The following STK3 variants were observed in gnomAD, a reference collection of about 807,000 sequenced individuals.
STK3 encodes serine/threonine-protein kinase 3.
STK3 carries 41 observed loss-of-function variants against 58.0 expected under a neutral mutation model. The ratio of observed to expected loss-of-function variants is 0.71; its 90% CI spans 0.55 to 0.92. The LOEUF is 0.92. STK3 is among the 40% of genes least tolerant of loss of function. STK3 has a pLI of 0.00. For synonymous variants in STK3, 170 were observed against 191.0 expected (o/e 0.89, Z 0.91); for missense variants, 479 against 602.7 (o/e 0.79, Z 2.15).
intron 1 of STK3, among the ~76,000 whole-genome samples, chr8:98,923,854 T>TGTGTGTGTGTGC (rs1491486943): frequency 2.9e-4 from 33 of 113,620 alleles, no homozygotes; most frequent in Admixed American, 7.9e-4. Context: ...TGTGTGTGTG[T>TGTGTGTGTGTGC]GCGCGCGCGC....
At chr8:98,699,864 C>A in intron 6 of STK3, among the ~76,000 whole-genome samples, 1 of 152,164 alleles carries the variant, frequency 6.6e-6, no homozygotes, top group Non-Finnish European at 1.5e-5. Flanking sequence ...TCTCCAGCTG[C>A]GTGCTGGGAG....
chr8:98,925,423 TGGA>T (rs1839751305), intron 1 of STK3, among the ~76,000 whole-genome samples: 1 of 152,230 alleles, frequency 6.6e-6, no homozygotes, highest in Non-Finnish European at 1.5e-5. Flanking sequence ...CCCAAGATCA[TGGA>T]GCAGATTGGC....
chr8:98,369,889 G>C (rs1359665225), downstream of STK3, among the ~76,000 whole-genome samples: 1 of 152,086 alleles, frequency 6.6e-6, no homozygotes, highest in Non-Finnish European at 1.5e-5. Flanking sequence ...AATGTGGCTT[G>C]GGCTTTCATG....
chr8:98,837,404 A>G (rs1319666111), intron 3 of STK3, among the ~76,000 whole-genome samples: 1 of 151,718 alleles, frequency 6.6e-6, no homozygotes, highest in Non-Finnish European at 1.5e-5. Context: ...AATGGCTTTC[A>G]TTTTATAAAA....
At chr8:98,906,796 C>G (rs1171703056) in intron 1 of STK3, among the ~76,000 whole-genome samples, 1 of 151,518 alleles carries the variant, frequency 6.6e-6, no homozygotes, top group Admixed American at 6.6e-5. Flanking sequence ...TCCTGACCAC[C>G]TCATCTTCAC....
chr8:98,776,241 A>C (rs1457629419), intron 1 of STK3, among the ~76,000 whole-genome samples: 1 of 152,204 alleles, frequency 6.6e-6, no homozygotes, highest in Admixed American at 6.5e-5. Flanking sequence ...TGTGTGGGAA[A>C]GATTGGGTTC....
intron 6 of STK3, among the ~76,000 whole-genome samples, chr8:98,691,832 T>C (rs1367345138): frequency 3.3e-5 from 5 of 151,112 alleles, no homozygotes; most frequent in Non-Finnish European, 5.9e-5. Flanking sequence ...CTCGGGAGGC[T>C]GAGGCAGGAG....
chr8:98,539,533 C>T (rs1004140043), intron 9 of STK3, among the ~76,000 whole-genome samples: 12 of 152,090 alleles, frequency 7.9e-5, no homozygotes, highest in African/African-American at 2.4e-4. Context: ...CATTTGCTTT[C>T]TCTTACTAAT....
chr8:98,883,558 T>C (rs939869775), downstream of STK3: 8 of 605,308 alleles, frequency 1.3e-5, no homozygotes, highest in African/African-American at 3.7e-5. Flanking sequence ...AAAGAAGAAT[T>C]TATTTTAAGG....
At chr8:98,702,445 A>G (rs1331740647) in intron 6 of STK3, among the ~76,000 whole-genome samples, 1 of 152,054 alleles carries the variant, frequency 6.6e-6, no homozygotes, top group Non-Finnish European at 1.5e-5. Context: ...TATGTCCTAC[A>G]AAAACCTTAA....
At chr8:98,908,410 G>A (rs1276635378) in intron 1 of STK3, among the ~76,000 whole-genome samples, 1 of 152,182 alleles carries the variant, frequency 6.6e-6, no homozygotes, top group African/African-American at 2.4e-5. Context: ...CTTTTTGGGT[G>A]GGCATGATGG....
At chr8:98,919,630 G>A (rs1018263667) in intron 1 of STK3, among the ~76,000 whole-genome samples, 3 of 152,142 alleles carry the variant, frequency 2.0e-5, no homozygotes, top group South Asian at 2.1e-4. Context: ...TTCAATGTAC[G>A]TAAATTTTAC....
At chr8:98,388,021 A>C (rs1817810491) in intron 1 of STK3, among the ~76,000 whole-genome samples, 1 of 152,194 alleles carries the variant, frequency 6.6e-6, no homozygotes, top group African/African-American at 2.4e-5. Flanking sequence ...GGACAATTTG[A>C]GCACTGAAAT....
At chr8:98,656,459 C>G (rs574860316) in intron 6 of STK3, among the ~76,000 whole-genome samples, 238 of 151,594 alleles carry the variant, frequency 1.6e-3, no homozygotes, top group African/African-American at 5.5e-3. Flanking sequence ...ACATTGTGCA[C>G]ATGTACCCTA....
chr8:98,422,577 C>G (rs1415154491), intron 3 of STK3, among the ~76,000 whole-genome samples: 1 of 152,194 alleles, frequency 6.6e-6, no homozygotes, highest in African/African-American at 2.4e-5. Flanking sequence ...CAAATTGTTT[C>G]CAAGGTAAAG....
At chr8:98,514,634 T>C (rs961247467) in intron 10 of STK3, among the ~76,000 whole-genome samples, 3 of 151,842 alleles carry the variant, frequency 2.0e-5, no homozygotes, top group Non-Finnish European at 2.9e-5. Flanking sequence ...AATATATCCA[T>C]GGGTAGATAG....
At chr8:98,580,908 G>T (rs1476795525) in intron 7 of STK3, among the ~76,000 whole-genome samples, 1 of 152,066 alleles carries the variant, frequency 6.6e-6, no homozygotes, top group East Asian at 1.9e-4. Flanking sequence ...ACAACTATAA[G>T]AAAGAACTTT....
the STK3 span, among the ~76,000 whole-genome samples, chr8:98,357,270 AC>A: frequency 6.6e-6 from 1 of 152,104 alleles, no homozygotes; most frequent in Non-Finnish European, 1.5e-5. Context: ...TCTGGAAATG[AC>A]CCAGGGTTTA....
intron 9 of STK3, among the ~76,000 whole-genome samples, chr8:98,531,146 A>G (rs958940128): frequency 1.3e-5 from 2 of 152,216 alleles, no homozygotes; most frequent in African/African-American, 4.8e-5. Flanking sequence ...ATGAAGAATG[A>G]TGAATCCTTT....
Sources: gnomAD v4.1 joint callset for allele counts (sites outside exome capture counted in the v4.1 genomes callset) on GRCh38, gnomAD v4.1.1 for gene constraint, MANE v1.5 for transcripts, NCBI Gene and HGNC (gene_info 2026-07-23, HGNC 2026-07-21) for gene names.